The following PPP6R1 variants were observed in gnomAD, a reference collection of about 807,000 sequenced individuals.
PPP6R1 encodes the protein serine/threonine-protein phosphatase 6 regulatory subunit 1.
Under a neutral mutation model 104.6 loss-of-function variants are expected in PPP6R1, and 39 were observed. The ratio of observed to expected loss-of-function variants is 0.37; its 90% CI spans 0.29 to 0.49. PPP6R1 has a LOEUF of 0.49. Among genes scored for constraint, PPP6R1 ranks in the 20% least tolerant of loss-of-function variants. PPP6R1 has a pLI of 0.98. For missense variants in PPP6R1, 1,181 were observed against 1,155.8 expected (o/e 1.02, Z -0.32); for synonymous variants, 549 against 479.0 (o/e 1.15, Z -1.91).
chr19:55,231,409 C>T lies in PPP6R1; in HGVS notation c.2459+1G>A. ...CTAGGCAGCCCCACCTCGCTGCTCA[C>T]CTGTCCGAGGAGCTGGGGGCAGAAC... On this transcript the variant is annotated splice_donor_variant, in intron 21 of 23. Transcript: ENST00000412770. LOFTEE classifies it high-confidence loss of function. The T allele has an allele frequency of 6.3e-7, 1 of 1,594,482 alleles. No homozygotes were observed. The highest frequency in any genetic ancestry group is 8.5e-7 in the Non-Finnish European group (1 of 1,171,496).
In PPP6R1 at chr19:55,245,348, T is replaced by G; in HGVS notation, c.469A>C (p.Ile157Leu). ...AGGTCCATGATGGCCGAGGTGCCAA[T>G]GTGCTGCAGCAGCAGGTCCACGAAG... Reference protein sequence around the residue: ...DDFVDLLLQHIGTSAIMDLLL... With the variant: ...DDFVDLLLQHLGTSAIMDLLL... Residue 157 changes from isoleucine (I) to leucine (L), a missense_variant, in exon 4 of 24, where the codon ATT becomes CTT. Coordinates refer to ENST00000412770, the MANE Select transcript of PPP6R1 (RefSeq NM_014931.4). The surrounding 1 kb of genome is among the most constrained non-coding windows in gnomAD (Gnocchi z 6.4). 6.2e-7 allele frequency: 1 copy of G among 1,612,584 alleles called. No homozygotes were observed. Among genetic ancestry groups the G allele is most frequent in the East Asian group, 2.2e-5 (1 of 44,824 alleles).
At chr19:55,228,939 G>A, downstream of PPP6R1, 1 of 590,260 alleles carries the variant, frequency 1.7e-6, no homozygotes, top group African/African-American at 1.8e-5. Context: ...TTGGCACTGG[G>A]GGTCCCTCTG....
chr19:55,231,528 C>T (rs1314829388), intron 20 of PPP6R1, 37 bp from the exon 21 acceptor site: 1 of 1,597,458 alleles, frequency 6.3e-7, no homozygotes, highest in East Asian at 2.3e-5. Context: ...CAGCTCCCAG[C>T]AAGCTCGGAG....
chr19:55,255,470 C>T (rs1299237895), intron 1 of PPP6R1, among the ~76,000 whole-genome samples: 4 of 152,168 alleles, frequency 2.6e-5, no homozygotes, highest in African/African-American at 9.7e-5. Flanking sequence ...CCCACCGAGC[C>T]CCAGTTTCCT....
At chr19:55,254,787 C>A (rs970830981) in intron 1 of PPP6R1, among the ~76,000 whole-genome samples, 2 of 152,194 alleles carry the variant, frequency 1.3e-5, no homozygotes, top group Admixed American at 1.3e-4. Context: ...GCCCAGAGTC[C>A]GGAGGACAGC....
chr19:55,241,614 A>C lies in PPP6R1; in HGVS notation c.871T>G (p.Phe291Val). 1.3e-6 allele frequency: 2 copies of C among 1,586,358 alleles called. No homozygotes were observed. The highest frequency in any genetic ancestry group is 1.7e-6 in the Non-Finnish European group (2 of 1,167,560). Residue 291 changes from phenylalanine (F) to valine (V), a missense_variant, in exon 8 of 24, where the codon TTC becomes GTC. Around this residue, in one of 2 missense-constraint regions of PPP6R1, gnomAD observed 1,042 missense variants for 955.6 expected, o/e 1.09. Transcript: ENST00000412770. The surrounding 1 kb of genome is among the most constrained non-coding windows in gnomAD (Gnocchi z 5.4). Reference sequence around the variant, plus strand: ...AGCTGCCCATCCACACTGCTGAAGAAGCTGTTCACGGTCACGGACTCGGAC... The same window carrying C: ...AGCTGCCCATCCACACTGCTGAAGACGCTGTTCACGGTCACGGACTCGGAC... The part of the protein sequence containing the change: ...PRSESVTVNS[F>V]FSSVDGQLEL...
chr19:55,239,936 C>T (rs762662317), intron 12 of PPP6R1, 25 bp from the exon 13 acceptor site: 4 of 1,613,462 alleles, frequency 2.5e-6, no homozygotes, highest in Admixed American at 1.7e-5. Flanking sequence ...GGGGTGAAGA[C>T]GTGAGGCATC....
intron 13 of PPP6R1, 67 bp downstream of exon 13, chr19:55,239,759 G>A: frequency 1.9e-6 from 3 of 1,590,536 alleles, no homozygotes; most frequent in Non-Finnish European, 1.7e-6. Context: ...GGTGGCGGTG[G>A]GAGGCTAAGA....
rs201804385 is a variant in PPP6R1 at position 55,240,996 on chromosome 19, T to C, written c.1245A>G (p.Pro415=). 1.1e-5 allele frequency: 18 copies of C among 1,597,218 alleles called. No homozygotes were observed. The highest frequency in any genetic ancestry group is 1.5e-5 in the Non-Finnish European group (18 of 1,172,408). The change falls in exon 10 of 24, where the codon CCA becomes CCG. Residue 415 remains proline (P), a synonymous_variant. Transcript: ENST00000412770. ...GCGTCTCAGGGCTGCTGTCAGGAGG[T>C]GGCCCCAAGCTCAGCATGGTGCTCA... ...GCVSTMLSLG[P]PPDSSPETPI... is the part of the protein sequence containing the mutation.
At position 55,245,546 on chromosome 19, in the gene PPP6R1, C is replaced by T. The variant is rs752458197; in HGVS notation, c.360G>A (p.Leu120=). ...CCATGACCTTGCTGAAGAAGCTGGC[C>T]AGCAGTGGGTTGAGGCTGCCGGTGC... ...LQSTGSLNPL[L]ASFFSKVMGI... Residue 120 remains leucine (L), a synonymous_variant, in exon 3 of 24, where the codon CTG becomes CTA. Transcript: ENST00000412770. This position sits in a 1 kb window ranked among gnomAD's most constrained non-coding sequence, Gnocchi z 6.4. The T allele has an allele frequency of 1.2e-6, 2 of 1,611,350 alleles. No homozygotes were observed. The highest frequency in any genetic ancestry group is 1.7e-6 in the Non-Finnish European group (2 of 1,178,870).
At chr19:55,251,236 G>A (rs1413133774) in intron 1 of PPP6R1, among the ~76,000 whole-genome samples, 1 of 152,134 alleles carries the variant, frequency 6.6e-6, no homozygotes, top group Non-Finnish European at 1.5e-5. Flanking sequence ...GTACACACTC[G>A]TGGCCCTACA....
In PPP6R1 at chr19:55,245,675, G is replaced by A. The variant is rs375914196; in HGVS notation, c.231C>T (p.Tyr77=). 8 of 1,603,718 alleles carry A rather than the reference G, an allele frequency of 5.0e-6. No individual in the cohort carries two copies. The highest frequency in any genetic ancestry group is 1.3e-5 in the African/African-American group (1 of 74,734). Residue 77 remains tyrosine (Y), a synonymous_variant, in exon 3 of 24, where the codon TAC becomes TAT. Transcript: ENST00000412770. The surrounding 1 kb of genome is among the most constrained non-coding windows in gnomAD (Gnocchi z 6.4). The part of the protein sequence containing the change: ...DSGEERLRYK[Y]PSVACEILTS... ...TCAGAATCTCGCAGGCCACACTGGG[G>A]TACCTGGGAGGCAAGCACAGGCGGG...
At chr19:55,246,826 G>C in intron 2 of PPP6R1, 51 bp downstream of exon 2, 5 of 1,429,464 alleles carry the variant, frequency 3.5e-6, no homozygotes, top group Non-Finnish European at 3.8e-6. Flanking sequence ...GCGTAGTGAA[G>C]GTATGTGTGA....
At chr19:55,233,689 A>G (rs1228754367) in intron 17 of PPP6R1, among the ~76,000 whole-genome samples, 2 of 152,246 alleles carry the variant, frequency 1.3e-5, no homozygotes, top group Admixed American at 1.3e-4. Context: ...CATTTACAAT[A>G]GTAACAGAAA....
At chr19:55,232,503 A>G in intron 17 of PPP6R1, 2 of 415,052 alleles carry the variant, frequency 4.8e-6, no homozygotes, top group Non-Finnish European at 8.7e-6. Context: ...AGCCTCAGCC[A>G]TGGCAACCAG....
intron 5 of PPP6R1, among the ~76,000 whole-genome samples, chr19:55,242,782 G>A (rs1455499049): frequency 2.0e-5 from 3 of 152,202 alleles, no homozygotes; most frequent in African/African-American, 7.2e-5. Context: ...TCTGACTGAT[G>A]AGTGAATATG....
intron 5 of PPP6R1, among the ~76,000 whole-genome samples, chr19:55,242,819 A>C (rs2087470791): frequency 6.6e-6 from 1 of 152,242 alleles, no homozygotes; most frequent in South Asian, 2.1e-4. Context: ...CACACAGGAG[A>C]GTGCTAATCA....
At chr19:55,243,305 C>T (rs551851276) in intron 5 of PPP6R1, among the ~76,000 whole-genome samples, 3 of 148,462 alleles carry the variant, frequency 2.0e-5, no homozygotes, top group South Asian at 2.2e-4. Flanking sequence ...CCCAGCTACT[C>T]GGGAGGCTGA....
downstream of PPP6R1, chr19:55,228,498 GAT>G: frequency 6.3e-7 from 1 of 1,593,466 alleles, no homozygotes; most frequent in African/African-American, 1.3e-5. Context: ...TTGGGACTCA[GAT>G]CTCATGGCTC....
Sources: gnomAD v4.1 joint callset for allele counts (sites outside exome capture counted in the v4.1 genomes callset) on GRCh38, gnomAD v4.1.1 for gene constraint, gnomAD v4.1.1 regional missense constraint, Gnocchi (gnomAD v3.1) non-coding constraint, MANE v1.5 for transcripts, NCBI Gene and HGNC (gene_info 2026-07-23, HGNC 2026-07-21) for gene names.